Variants in NCAN observed in about 807,000 individuals in gnomAD.
NCAN encodes the protein neurocan core protein.
Under a neutral mutation model 121.8 loss-of-function variants are expected in NCAN, and 47 were observed. The ratio of observed to expected loss-of-function variants is 0.39; its 90% CI spans 0.31 to 0.49. The LOEUF is 0.49. NCAN is among the 20% of genes least tolerant of loss of function. The pLI is 0.92. For missense variants in NCAN, 1,517 were observed against 1,773.4 expected, an observed-to-expected ratio of 0.86 and a Z score of 2.60; for synonymous variants, 633 against 702.0, an observed-to-expected ratio of 0.90 and a Z score of 1.55.
intron 2 of NCAN, 82 bp downstream of exon 2, chr19:19,217,108 C>G (rs1228442356): frequency 1.0e-6 from 1 of 1,004,902 alleles, no homozygotes; most frequent in African/African-American, 1.7e-5. Flanking sequence ...AGAGCCTTCT[C>G]CTGCTGGTCT....
intron 8 of NCAN, 95 bp downstream of exon 8, chr19:19,228,734 C>T (rs1275699756): frequency 1.4e-5 from 19 of 1,381,666 alleles, no homozygotes; most frequent in South Asian, 4.4e-5. Flanking sequence ...GAATGGTTGT[C>T]CCTGGGGATC....
At chr19:19,224,510 C>A in intron 5 of NCAN, 77 bp downstream of exon 5, 1 of 1,542,380 alleles carries the variant, frequency 6.5e-7, no homozygotes, top group Non-Finnish European at 8.8e-7. Context: ...TCCCATCCTC[C>A]GGGGTCCTTA....
chr19:19,242,574 A>T (rs2060907474), intron 12 of NCAN, among the ~76,000 whole-genome samples: 1 of 151,898 alleles, frequency 6.6e-6, no homozygotes, highest in Non-Finnish European at 1.5e-5. Flanking sequence ...CTGTAGTCCC[A>T]GCTACTTGCG....
In NCAN at chr19:19,251,898, G is replaced by C. The variant is rs921268618; in HGVS notation, c.*1987G>C. ...AAAAATTTTCCTTTGTTTGCGGGGG[G>C]CTGGGGATGCAGTGTTTTTTGGGGG... On this transcript the variant is annotated 3_prime_UTR_variant, in exon 15 of 15. Transcript: ENST00000252575. 2 of 151,320 alleles carry C rather than the reference G, an allele frequency of 1.3e-5. No homozygotes were observed. Among genetic ancestry groups the C allele is most frequent in the South Asian group, 4.2e-4 (2 of 4,776 alleles). 9.4% of individuals were successfully genotyped at this position (151,320 alleles called of 1,614,324 possible).
intron 3 of NCAN, 114 bp downstream of exon 3, chr19:19,219,430 C>T: frequency 8.6e-7 from 1 of 1,167,362 alleles, no homozygotes; most frequent in Non-Finnish European, 1.2e-6. Flanking sequence ...CCTGGTGTCT[C>T]ATGCCTGTAA....
In NCAN at chr19:19,249,945, C is replaced by T. The variant is rs765225560; in HGVS notation, c.*34C>T. On this transcript the variant is annotated 3_prime_UTR_variant, in exon 15 of 15. Transcript: ENST00000252575. ...AAAAAAGAAAGCACAACACCTTTCC[C>T]ATGCCTCCTCTGGAGCCTTCGCCTG... The T allele has an allele frequency of 3.8e-6, 6 of 1,588,992 alleles. 1 individual carries two copies. In the South Asian group the frequency reaches 4.5e-5, roughly 12 times the overall value.
At chr19:19,238,553 A>T (rs1039588778) in intron 11 of NCAN, 142 bp downstream of exon 11, 2 of 924,164 alleles carry the variant, frequency 2.2e-6, no homozygotes, top group Non-Finnish European at 3.4e-6. Flanking sequence ...GCAAGCCCTG[A>T]CTGCTTCTTA....
chr19:19,245,572 G>C, intron 13 of NCAN, 115 bp downstream of exon 13: 1 of 1,242,548 alleles, frequency 8.0e-7, no homozygotes, highest in Non-Finnish European at 1.1e-6. Context: ...CCACCGCCTG[G>C]GTTCAAGCCA....
Position 19,225,678 on chromosome 19 carries a change from G to T in NCAN, c.1072+408G>T, listed in dbSNP as rs1005841217. On this transcript the variant is annotated intron_variant, in intron 6 of 14. Coordinates refer to ENST00000252575, the MANE Select transcript of NCAN (RefSeq NM_004386.3). The surrounding 1 kb of genome is among the most constrained non-coding windows in gnomAD (Gnocchi z 4.0). ...CACCTCTGGGCACCACACCGGATGT[G>T]GGAGCAGGGATGACACTCGCCCTTG... Among the ~76,000 whole-genome samples the T allele has an allele frequency of 6.6e-6, 1 of 152,218 alleles. No individual in the cohort carries two copies. The highest frequency in any genetic ancestry group is 2.4e-5 in the African/African-American group (1 of 41,468).
chr19:19,213,560 G>A (rs952057981), intron 1 of NCAN, among the ~76,000 whole-genome samples: 1 of 150,550 alleles, frequency 6.6e-6, no homozygotes, highest in Admixed American at 6.6e-5. Context: ...AAGACACGCC[G>A]CCTGTCTTGT....
intron 2 of NCAN, 81 bp from the exon 3 acceptor site, chr19:19,218,834 A>C: frequency 7.4e-7 from 1 of 1,354,458 alleles, no homozygotes; most frequent in South Asian, 2.1e-5. Context: ...CTTTTAAAAA[A>C]TTTTTTAAAA....
rs774662675 is a variant in NCAN, at chr19:19,227,406, A to G, written c.1786A>G (p.Arg596Gly). The change falls in exon 8 of 15, where the codon AGG becomes GGG. Residue 596 changes from arginine to glycine, a missense_variant. By Grantham distance (125) the Arg-to-Gly change is moderately radical. Coordinates refer to ENST00000252575, the MANE Select transcript of NCAN (RefSeq NM_004386.3). This position sits in a 1 kb window ranked among gnomAD's most constrained non-coding sequence, Gnocchi z 4.2. The part of the protein sequence containing the change: ...ELEKAEGPSA[R>G]PATPDLFWSP... ...AGAGAAAGCCGAGGGCCCCAGTGCCAGGCCAGCCACCCCAGACCTGTTTTG... is the reference window on the plus strand; with the variant it reads ...AGAGAAAGCCGAGGGCCCCAGTGCCGGGCCAGCCACCCCAGACCTGTTTTG... 12 of 1,613,528 alleles carry G rather than the reference A, an allele frequency of 7.4e-6. No homozygotes were observed. The African/African-American group carries it at 1.2e-4, about 16-fold the overall frequency.
intron 13 of NCAN, among the ~76,000 whole-genome samples, chr19:19,246,979 A>C (rs963447406): frequency 3.3e-5 from 5 of 152,190 alleles, no homozygotes; most frequent in African/African-American, 1.2e-4. Context: ...TATGAAAGAA[A>C]TCATTTGTAT....
chr19:19,225,158 G>T lies in NCAN; in HGVS notation c.960G>T (p.Thr320=). The T allele has an allele frequency of 6.5e-7, 1 of 1,529,828 alleles. No homozygotes were observed. The highest frequency in any genetic ancestry group is 8.7e-7 in the Non-Finnish European group (1 of 1,148,646). The allele number at this position is 1,529,828 out of a possible 1,614,324, so 94.8% of individuals were successfully genotyped here. A position where few individuals can be genotyped will look rare whatever the true frequency, so the allele number is the denominator to read the frequency against. The stretch of plus-strand genomic sequence containing the variant: ...GCAGCGTGCGCTACCCGATCCAGAC[G>T]CCGCGCCGGCGCTGCGGGGGCCCAG... ...ADGSVRYPIQ[T]PRRRCGGPAP... Residue 320 remains threonine, a synonymous_variant, in exon 6 of 15, where the codon ACG becomes ACT. Transcript: ENST00000252575. The surrounding 1 kb of genome is among the most constrained non-coding windows in gnomAD (Gnocchi z 4.0).
At chr19:19,241,488 T>C (rs2060903145) in intron 12 of NCAN, among the ~76,000 whole-genome samples, 1 of 151,848 alleles carries the variant, frequency 6.6e-6, no homozygotes, top group South Asian at 2.1e-4. Flanking sequence ...TCCATTGTTC[T>C]CAAGATAAAA....
chr19:19,234,502 G>T (rs1027603932), intron 9 of NCAN, among the ~76,000 whole-genome samples: 2 of 152,134 alleles, frequency 1.3e-5, no homozygotes, highest in Admixed American at 6.6e-5. Flanking sequence ...TTCAAAAAAA[G>T]TAAGCTGAGT....
Position 19,224,318 on chromosome 19 carries a change from C to A in NCAN, c.663C>A (p.Thr221=). ...CTTGTGTTGTCAGGTATCCTATCAC[C>A]CAGTCCCGTCCTGGTTGCTATGGCG... ...LSDRTVRYPI[T]QSRPGCYGDR... Residue 221 remains threonine, a synonymous_variant, in exon 5 of 15, where the codon ACC becomes ACA. Transcript: ENST00000252575. The A allele has an allele frequency of 6.2e-7, 1 of 1,613,916 alleles. No homozygotes were observed. Among genetic ancestry groups the A allele is most frequent in the South Asian group, 1.1e-5 (1 of 91,058 alleles).
intron 3 of NCAN, among the ~76,000 whole-genome samples, chr19:19,221,726 A>T (rs908463745): frequency 6.6e-6 from 1 of 151,842 alleles, no homozygotes; most frequent in Non-Finnish European, 1.5e-5. Context: ...TCTCTACAAA[A>T]TTTTTAAAAA....
intron 12 of NCAN, among the ~76,000 whole-genome samples, 175 bp from the exon 13 acceptor site, chr19:19,245,138 G>A (rs2060919755): frequency 6.6e-6 from 1 of 152,208 alleles, no homozygotes; most frequent in Non-Finnish European, 1.5e-5. Flanking sequence ...TGGTGTATTG[G>A]ATTACAGTGG....
Sources: gnomAD v4.1 joint callset for allele counts (sites outside exome capture counted in the v4.1 genomes callset) on GRCh38, gnomAD v4.1.1 for gene constraint, Gnocchi (gnomAD v3.1) non-coding constraint, MANE v1.5 for transcripts, NCBI Gene and HGNC (gene_info 2026-07-23, HGNC 2026-07-21) for gene names.